Variants in PHLDB2 observed in about 807,000 individuals in gnomAD.
The protein encoded by PHLDB2 is pleckstrin homology-like domain family B member 2.
PHLDB2 carries 71 observed loss-of-function variants against 123.6 expected under a neutral mutation model. The observed-to-expected ratio is 0.57, with a 90% CI of 0.47 to 0.70. PHLDB2 has a LOEUF of 0.70. Among genes scored for constraint, PHLDB2 ranks in the 30% least tolerant of loss-of-function variants. The pLI is 0.00. For missense variants in PHLDB2, 1,446 were observed against 1,519.5 expected (o/e 0.95, Z 0.80); for synonymous variants, 547 against 541.6 (o/e 1.01, Z -0.14).
chr3:111,870,806 C>T (rs1576950622), intron 1 of PHLDB2, among the ~76,000 whole-genome samples: 1 of 152,292 alleles, frequency 6.6e-6, no homozygotes, highest in South Asian at 2.1e-4. Flanking sequence ...TTATTCATAA[C>T]ATCATCTTAT....
Position 111,885,130 on chromosome 3 carries a change from T to C in PHLDB2, c.1053T>C (p.Ser351=), listed in dbSNP as rs757821541. ...TGGCCTCCACCTCCTCCTGTGCCTC[T>C]GATGACTTTGATCAGGCTTCATATG... ...MLLASTSSCA[S]DDFDQASYVG... Residue 351 remains serine, a synonymous_variant, in exon 2 of 18, where the codon TCT becomes TCC. Transcript: ENST00000431670. 8.1e-6 allele frequency: 13 copies of C among 1,614,142 alleles called. No individual in the cohort carries two copies. Among genetic ancestry groups the C allele is most frequent in the Non-Finnish European group, 1.1e-5 (13 of 1,180,028 alleles).
intron 1 of PHLDB2, among the ~76,000 whole-genome samples, chr3:111,789,386 A>C (rs2060819248): frequency 6.6e-6 from 1 of 152,210 alleles, no homozygotes; most frequent in Admixed American, 6.5e-5. Context: ...TTGGTTACAT[A>C]ATTGGCAGAT....
At chr3:111,967,616 T>C (rs2071864506) in intron 14 of PHLDB2, 62 bp from the exon 15 acceptor site, 3 of 1,484,102 alleles carry the variant, frequency 2.0e-6, no homozygotes, top group Non-Finnish European at 2.7e-6. Context: ...TTTATATTGA[T>C]TGGAACCATT....
intron 1 of PHLDB2, among the ~76,000 whole-genome samples, chr3:111,762,548 C>T (rs1337236736): frequency 2.6e-5 from 4 of 152,124 alleles, no homozygotes; most frequent in Non-Finnish European, 5.9e-5. Context: ...AATCACAGGC[C>T]TCTAAGTGTG....
intron 1 of PHLDB2, among the ~76,000 whole-genome samples, chr3:111,761,693 A>G (rs1009587955): frequency 6.6e-6 from 1 of 152,138 alleles, no homozygotes; most frequent in Admixed American, 6.5e-5. Context: ...AGAATTTCTG[A>G]TTCAGTACAT....
intron 1 of PHLDB2, among the ~76,000 whole-genome samples, chr3:111,773,853 T>G (rs1490291594): frequency 1.3e-5 from 2 of 152,200 alleles, no homozygotes; most frequent in African/African-American, 4.8e-5. Context: ...AACATTAGTT[T>G]CTTCTCAAAT....
At chr3:111,752,254 G>C (rs1402799845) in intron 1 of PHLDB2, among the ~76,000 whole-genome samples, 1 of 135,126 alleles carries the variant, frequency 7.4e-6, no homozygotes, top group Non-Finnish European at 1.6e-5. Flanking sequence ...GTGTCTGTGT[G>C]TGTGTGTGTG....
intron 15 of PHLDB2, 150 bp downstream of exon 15, chr3:111,967,974 G>T (rs956694087): frequency 2.4e-5 from 1 of 41,050 alleles, no homozygotes; most frequent in Non-Finnish European, 4.0e-5. Flanking sequence ...GCATTCCTGT[G>T]CAAAAAAAAA....
chr3:111,971,809 G>C (rs2072207486), intron 16 of PHLDB2, among the ~76,000 whole-genome samples: 1 of 152,220 alleles, frequency 6.6e-6, no homozygotes, highest in African/African-American at 2.4e-5. Flanking sequence ...TGAACACTGA[G>C]TGGCAAAGTC....
intron 1 of PHLDB2, among the ~76,000 whole-genome samples, chr3:111,839,938 C>T (rs1452914280): frequency 5.9e-5 from 3 of 50,994 alleles, no homozygotes; most frequent in East Asian, 7.3e-4. Context: ...CCCCCACCCC[C>T]GCTTTTTTTT....
At chr3:111,832,115 C>A (rs574175161) in intron 1 of PHLDB2, among the ~76,000 whole-genome samples, 1 of 152,268 alleles carries the variant, frequency 6.6e-6, no homozygotes, top group African/African-American at 2.4e-5. Flanking sequence ...AGAACCACAA[C>A]CTGGAAAGCC....
At chr3:111,861,839 A>G (rs188961869) in intron 1 of PHLDB2, among the ~76,000 whole-genome samples, 3 of 152,266 alleles carry the variant, frequency 2.0e-5, no homozygotes, top group Admixed American at 2.0e-4. Context: ...GGTTTTCCCT[A>G]TTTTCTTCAA....
In PHLDB2 at chr3:111,884,610, C is replaced by A. The variant is rs763794570; in HGVS notation, c.533C>A (p.Ala178Asp). 1 of 1,614,004 alleles carries A rather than the reference C, an allele frequency of 6.2e-7. No homozygotes were observed. The highest frequency in any genetic ancestry group is 2.2e-5 in the East Asian group (1 of 44,874). Residue 178 changes from alanine to aspartate, a missense_variant, in exon 2 of 18, where the codon GCC (alanine) becomes GAC (aspartate). Around this residue, in one of 3 missense-constraint regions of PHLDB2, gnomAD observed 832 missense variants for 831.9 expected, o/e 1.00. Transcript: ENST00000431670. ...CGGAAGGCATCTGGCTCGCTCCTGG[C>A]CATGTGGAATGGAAGTTCCCTGAGT... is the stretch of plus-strand genomic sequence containing the variant. ...EGRKASGSLL[A>D]MWNGSSLSDA...
At chr3:111,840,967 TG>T (rs2063666268) in intron 1 of PHLDB2, among the ~76,000 whole-genome samples, 1 of 152,236 alleles carries the variant, frequency 6.6e-6, no homozygotes, top group African/African-American at 2.4e-5. Context: ...AATACCATTT[TG>T]TCATGATTAC....
rs766833985 is a variant in PHLDB2, at chr3:111,884,447, G to A, written c.370G>A (p.Gly124Arg). Residue 124 changes from glycine to arginine, a missense_variant, in exon 2 of 18, where the codon GGA becomes AGA. Gly to Arg is a moderately radical substitution (Grantham distance 125). Transcript: ENST00000431670. ...TTSSLSGYPL[G>R]RADFDHYTGR... ...ATCCTCCCTCAGTGGATATCCACTT[G>A]GAAGAGCAGACTTTGATCATTATAC... 1 of 1,614,142 alleles carries A rather than the reference G, an allele frequency of 6.2e-7. No individual in the cohort carries two copies. The highest frequency in any genetic ancestry group is 1.1e-5 in the South Asian group (1 of 91,082).
chr3:111,885,363 A>C lies in PHLDB2; in HGVS notation c.1286A>C (p.His429Pro), dbSNP rs749335252. The C allele has an allele frequency of 1.2e-6, 2 of 1,614,152 alleles. No individual in the cohort carries two copies. Among genetic ancestry groups the C allele is most frequent in the East Asian group, 2.2e-5 (1 of 44,866 alleles). ...ISGRDDLMDY[H>P]RRQREERLRE... ...GGACGTGATGACCTGATGGATTATC[A>C]CCGGCGGCAGAGGGAGGAAAGACTC... The change falls in exon 2 of 18, where the codon CAC becomes CCC. Residue 429 changes from histidine to proline, a missense_variant. His to Pro is a moderately conservative substitution (Grantham distance 77). Coordinates refer to ENST00000431670, the MANE Select transcript of PHLDB2 (RefSeq NM_001134438.2).
intron 1 of PHLDB2, among the ~76,000 whole-genome samples, chr3:111,809,083 T>A (rs2061721590): frequency 6.6e-6 from 1 of 152,206 alleles, no homozygotes; most frequent in Non-Finnish European, 1.5e-5. Context: ...AATAGTCACA[T>A]AAATAAATTA....
intron 6 of PHLDB2, among the ~76,000 whole-genome samples, chr3:111,932,889 T>C (rs1433490186): frequency 6.6e-6 from 1 of 152,212 alleles, no homozygotes; most frequent in African/African-American, 2.4e-5. Context: ...TTGAACTAAT[T>C]AGCCCAATCC....
chr3:111,946,656 A>G (rs1437990628), intron 9 of PHLDB2, among the ~76,000 whole-genome samples: 1 of 152,220 alleles, frequency 6.6e-6, no homozygotes, highest in African/African-American at 2.4e-5. Context: ...ATGGCCTAAG[A>G]CAATGTTAGC....
Sources: gnomAD v4.1 joint callset for allele counts (sites outside exome capture counted in the v4.1 genomes callset) on GRCh38, gnomAD v4.1.1 for gene constraint, gnomAD v4.1.1 regional missense constraint, MANE v1.5 for transcripts, NCBI Gene and HGNC (gene_info 2026-07-23, HGNC 2026-07-21) for gene names.